The following UBE2R2 variants were observed in gnomAD, a reference collection of about 807,000 sequenced individuals.
The protein encoded by UBE2R2 is ubiquitin conjugating enzyme E2 R2.
In UBE2R2, 1 loss-of-function variant was observed where a neutral mutation model predicts 27.8. That is an observed-to-expected ratio of 0.04 (90% CI 0.01 to 0.17). The LOEUF is 0.17. Ranked by LOEUF, UBE2R2 falls within the 10% of genes least tolerant of loss-of-function variation. The pLI, the probability that UBE2R2 is intolerant of heterozygous loss-of-function variation, is 1.00. For missense variants in UBE2R2, 100 were observed against 291.0 expected, an observed-to-expected ratio of 0.34 and a Z score of 4.78; for synonymous variants, 106 against 113.3, an observed-to-expected ratio of 0.94 and a Z score of 0.41.
At chr9:33,865,002 G>A (rs958398490) in intron 1 of UBE2R2, among the ~76,000 whole-genome samples, 2 of 151,802 alleles carry the variant, frequency 1.3e-5, no homozygotes, top group African/African-American at 4.8e-5. Flanking sequence ...GGGATTACAG[G>A]CGTGAGCCAC....
chr9:33,819,795 C>T (rs769674743), intron 1 of UBE2R2, among the ~76,000 whole-genome samples: 3 of 152,178 alleles, frequency 2.0e-5, no homozygotes, highest in African/African-American at 7.2e-5. Context: ...CACGCCACCA[C>T]GCCCAGCTAA....
At chr9:33,904,581 A>C (rs1023238548) in intron 3 of UBE2R2, among the ~76,000 whole-genome samples, 2 of 152,230 alleles carry the variant, frequency 1.3e-5, no homozygotes, top group African/African-American at 4.8e-5. Context: ...TTGAAGAATA[A>C]GGGACTCCAG....
intron 3 of UBE2R2, among the ~76,000 whole-genome samples, chr9:33,911,068 C>T (rs758658620): frequency 3.9e-5 from 6 of 151,944 alleles, no homozygotes; most frequent in Non-Finnish European, 8.8e-5. Context: ...GGCACCACTG[C>T]ACTCCAGCCT....
At chr9:33,896,302 A>G (rs1000798942) in intron 2 of UBE2R2, among the ~76,000 whole-genome samples, 5 of 152,032 alleles carry the variant, frequency 3.3e-5, no homozygotes, top group Admixed American at 3.3e-4. Flanking sequence ...TTCCTTGTCT[A>G]AATACTCTGG....
At chr9:33,898,744 A>G (rs1298136476) in intron 2 of UBE2R2, among the ~76,000 whole-genome samples, 1 of 152,194 alleles carries the variant, frequency 6.6e-6, no homozygotes, top group Non-Finnish European at 1.5e-5. Context: ...CAGCCTAGGT[A>G]ACATAGTGAG....
intron 2 of UBE2R2, among the ~76,000 whole-genome samples, chr9:33,891,395 T>C (rs1439488520): frequency 7.3e-5 from 11 of 151,098 alleles, no homozygotes; most frequent in Admixed American, 6.6e-4. Context: ...CCTGTAATCC[T>C]AACACTTTGG....
In UBE2R2 at chr9:33,918,582, C is replaced by T. The variant is rs901448190; in HGVS notation, c.*1345C>T. 4 of 152,236 alleles carry T rather than the reference C, an allele frequency of 2.6e-5. No individual in the cohort carries two copies. Among genetic ancestry groups the T allele is most frequent in the African/African-American group, 9.7e-5 (4 of 41,406 alleles). The allele number at this position is 152,236 out of a possible 1,614,324, so 9.4% of individuals were successfully genotyped here. A position where few individuals can be genotyped will look rare whatever the true frequency, so the allele number is the denominator to read the frequency against. On this transcript the variant is annotated 3_prime_UTR_variant, in exon 5 of 5. Coordinates refer to ENST00000263228, the MANE Select transcript of UBE2R2 (RefSeq NM_017811.4). ...GTGTTGCTTCAATCAATATTGAGAT[C>T]CAGCAGCCTTCACCATCCAGGAGAC...
At chr9:33,864,788 G>A (rs528358301) in intron 1 of UBE2R2, among the ~76,000 whole-genome samples, 1 of 149,954 alleles carries the variant, frequency 6.7e-6, no homozygotes, top group East Asian at 2.0e-4. Context: ...ACAATGGCGT[G>A]ATCTTGGCTC....
At chr9:33,839,980 A>G (rs1820697222) in intron 1 of UBE2R2, among the ~76,000 whole-genome samples, 1 of 151,592 alleles carries the variant, frequency 6.6e-6, no homozygotes, top group Non-Finnish European at 1.5e-5. Context: ...TGGGTGACAG[A>G]GTGAGACCCT....
chr9:33,859,809 A>T (rs146250063), intron 1 of UBE2R2, among the ~76,000 whole-genome samples: 26 of 107,202 alleles, frequency 2.4e-4, no homozygotes, highest in South Asian at 1.7e-3. Context: ...TGAGAGAGAG[A>T]GAGAGAGAGA....
intron 3 of UBE2R2, among the ~76,000 whole-genome samples, chr9:33,911,422 A>AAAAAAC (rs1822486132): frequency 1.3e-5 from 2 of 149,586 alleles, no homozygotes; most frequent in Non-Finnish European, 3.0e-5. Context: ...AAAAAAAAAA[A>AAAAAAC]AAAAAAAAAA....
At chr9:33,906,474 C>G (rs1822358827) in intron 3 of UBE2R2, among the ~76,000 whole-genome samples, 1 of 152,066 alleles carries the variant, frequency 6.6e-6, no homozygotes, top group Admixed American at 6.6e-5. Context: ...TTCTCCCATG[C>G]TGTCTGGAGG....
chr9:33,843,197 C>A (rs961285321), intron 1 of UBE2R2, among the ~76,000 whole-genome samples: 1 of 151,658 alleles, frequency 6.6e-6, no homozygotes, highest in Non-Finnish European at 1.5e-5. Context: ...TACAGACATG[C>A]GCCATCCCGC....
chr9:33,850,456 A>T (rs149038372), intron 1 of UBE2R2, among the ~76,000 whole-genome samples: 1 of 152,072 alleles, frequency 6.6e-6, no homozygotes, highest in Non-Finnish European at 1.5e-5. Flanking sequence ...TACTAGATCT[A>T]CTATTCCCTG....
At chr9:33,856,063 CA>C (rs1563989616) in intron 1 of UBE2R2, among the ~76,000 whole-genome samples, 1 of 152,090 alleles carries the variant, frequency 6.6e-6, no homozygotes, top group African/African-American at 2.4e-5. Flanking sequence ...AAAAACCAAA[CA>C]AAACCTTATA....
chr9:33,850,426 A>G (rs2130752561), intron 1 of UBE2R2, among the ~76,000 whole-genome samples: 1 of 152,196 alleles, frequency 6.6e-6, no homozygotes, highest in South Asian at 2.1e-4. Flanking sequence ...AGTCACCTGT[A>G]ACCATTCTTC....
chr9:33,869,040 G>C (rs1280272491), intron 1 of UBE2R2, among the ~76,000 whole-genome samples: 1 of 152,156 alleles, frequency 6.6e-6, no homozygotes, highest in Non-Finnish European at 1.5e-5. Context: ...GACTGGGGTG[G>C]GTGGATTGCT....
intron 1 of UBE2R2, among the ~76,000 whole-genome samples, chr9:33,877,856 T>TCTCTCTCTCTCTCGCTCC (rs1821649542): frequency 6.6e-6 from 1 of 151,112 alleles, no homozygotes; most frequent in Non-Finnish European, 1.5e-5. Context: ...TCTCCCACTC[T>TCTCTCTCTCTCTCGCTCC]CCCTCCGTCT....
chr9:33,884,403 C>T (rs920371799), intron 1 of UBE2R2, among the ~76,000 whole-genome samples: 3 of 151,194 alleles, frequency 2.0e-5, no homozygotes, highest in Admixed American at 6.6e-5. Context: ...CCCACCTCAG[C>T]CTCCTATGTA....
Sources: allele counts gnomAD v4.1 joint callset (sites outside exome capture counted in the v4.1 genomes callset), GRCh38; gene constraint gnomAD v4.1.1; transcripts MANE v1.5; gene names NCBI Gene and HGNC (gene_info 2026-07-23, HGNC 2026-07-21).